The following GRM8 variants were observed in gnomAD, a reference collection of about 807,000 sequenced individuals.
GRM8 encodes metabotropic glutamate receptor 8.
Under a neutral mutation model 87.2 loss-of-function variants are expected in GRM8, and 47 were observed. The ratio of observed to expected loss-of-function variants is 0.54; its 90% CI spans 0.43 to 0.69. The LOEUF (loss-of-function observed/expected upper bound fraction) is 0.69, where lower values mean the gene tolerates loss of function less well. Among genes scored for constraint, GRM8 ranks in the 30% least tolerant of loss-of-function variants. The pLI is 0.00. For synonymous variants in GRM8, 396 were observed against 404.5 expected (o/e 0.98, Z 0.25); for missense variants, 1,019 against 1,139.2 (o/e 0.89, Z 1.52).
intron 9 of GRM8, among the ~76,000 whole-genome samples, chr7:126,448,524 T>C (rs922816001): frequency 6.6e-6 from 1 of 151,982 alleles, no homozygotes; most frequent in African/African-American, 2.4e-5. Context: ...GACTTTGGAA[T>C]GCTAGCTTCC....
intron 6 of GRM8, among the ~76,000 whole-genome samples, chr7:126,879,053 C>T (rs925257774): frequency 6.6e-6 from 1 of 151,334 alleles, no homozygotes; most frequent in African/African-American, 2.4e-5. Context: ...ATCTCAGCTA[C>T]TCGGGAGGCT....
At chr7:127,165,158 A>ATAT (rs1275601940) in intron 2 of GRM8, among the ~76,000 whole-genome samples, 1 of 54,834 alleles carries the variant, frequency 1.8e-5, no homozygotes, top group African/African-American at 1.2e-4. Context: ...ATATATATAT[A>ATAT]TATATATATA....
At chr7:126,563,369 A>G (rs1793913195) in intron 8 of GRM8, among the ~76,000 whole-genome samples, 1 of 152,082 alleles carries the variant, frequency 6.6e-6, no homozygotes, top group African/African-American at 2.4e-5. Flanking sequence ...AAGAAATTGT[A>G]GTGTAACAGA....
intron 9 of GRM8, among the ~76,000 whole-genome samples, chr7:126,471,525 G>T (rs915211049): frequency 2.8e-4 from 43 of 151,850 alleles, no homozygotes; most frequent in African/African-American, 1.0e-3. Context: ...ATTTCTGAGG[G>T]CTCTGTTCTC....
rs537672740 is a variant in GRM8, at chr7:126,870,912, A to G, written c.1156+31630T>C. ...AAAAACTGCAAAGTACAATAAAACA[A>G]GGCATGCCTGTAGCATATGAAAGAG... is the stretch of plus-strand genomic sequence containing the variant. On this transcript the variant is annotated intron_variant, in intron 6 of 10. Transcript: ENST00000339582. 1.2e-4 allele frequency among the ~76,000 whole-genome samples: 19 copies of G among 152,300 alleles called. No individual in the cohort carries two copies. In the East Asian group the frequency reaches 3.1e-3, roughly 25 times the overall value.
intron 9 of GRM8, among the ~76,000 whole-genome samples, chr7:126,468,912 C>T (rs1005272482): frequency 3.3e-5 from 5 of 152,076 alleles, no homozygotes; most frequent in African/African-American, 7.2e-5. Flanking sequence ...CTGCAATACC[C>T]CCTCTTCTCT....
intron 2 of GRM8, among the ~76,000 whole-genome samples, chr7:127,196,268 A>C (rs1474939064): frequency 6.6e-6 from 1 of 152,168 alleles, no homozygotes; most frequent in Non-Finnish European, 1.5e-5. Context: ...CTATAATCCC[A>C]GTACTTGGGG....
intron 9 of GRM8, among the ~76,000 whole-genome samples, chr7:126,522,592 G>T (rs912264253): frequency 1.3e-5 from 2 of 152,148 alleles, no homozygotes; most frequent in Non-Finnish European, 2.9e-5. Flanking sequence ...GGAATATGTG[G>T]CCTCCCAGTT....
At chr7:127,133,176 T>C (rs1380060991) in intron 2 of GRM8, among the ~76,000 whole-genome samples, 1 of 150,936 alleles carries the variant, frequency 6.6e-6, no homozygotes, top group Non-Finnish European at 1.5e-5. Context: ...TCCCAGCACT[T>C]TGGAAGGCCA....
At chr7:127,069,462 C>T (rs962616173) in intron 3 of GRM8, among the ~76,000 whole-genome samples, 12 of 151,010 alleles carry the variant, frequency 7.9e-5, no homozygotes, top group Non-Finnish European at 1.3e-4. Context: ...CTGTGCCTGG[C>T]CAATAACAAA....
At chr7:126,828,676 T>A (rs1017356664) in intron 6 of GRM8, among the ~76,000 whole-genome samples, 1 of 152,208 alleles carries the variant, frequency 6.6e-6, no homozygotes, top group African/African-American at 2.4e-5. Flanking sequence ...GATTCATTAA[T>A]TTTTTGAAGG....
chr7:127,090,441 C>T (rs1039623957), intron 3 of GRM8, among the ~76,000 whole-genome samples: 4 of 152,296 alleles, frequency 2.6e-5, no homozygotes, highest in Non-Finnish European at 5.9e-5. Context: ...ATACCTGGAA[C>T]ATTCCAAACC....
intron 6 of GRM8, among the ~76,000 whole-genome samples, chr7:126,856,930 T>C (rs944096656): frequency 2.6e-5 from 4 of 152,232 alleles, no homozygotes; most frequent in African/African-American, 9.6e-5. Context: ...GGAATTAGCA[T>C]ACCTTTCTTC....
chr7:126,918,265 C>A (rs1052585370), intron 3 of GRM8, among the ~76,000 whole-genome samples: 3 of 152,134 alleles, frequency 2.0e-5, no homozygotes. Flanking sequence ...GAAAACATTT[C>A]ATAAGTGAGA....
At chr7:127,225,573 G>C (rs1797271123) in intron 2 of GRM8, among the ~76,000 whole-genome samples, 1 of 151,676 alleles carries the variant, frequency 6.6e-6, no homozygotes, top group Non-Finnish European at 1.5e-5. Flanking sequence ...ACAATTTGGA[G>C]CAGTGCCCCA....
At chr7:126,788,720 C>T (rs1820952608) in intron 6 of GRM8, among the ~76,000 whole-genome samples, 1 of 150,812 alleles carries the variant, frequency 6.6e-6, no homozygotes, top group Non-Finnish European at 1.5e-5. Context: ...TTTAATTAGA[C>T]CTAGACTCTA....
intron 3 of GRM8, among the ~76,000 whole-genome samples, chr7:127,056,687 G>A (rs554429799): frequency 4.6e-5 from 7 of 152,268 alleles, no homozygotes; most frequent in South Asian, 4.1e-4. Flanking sequence ...GTTGGTTAAC[G>A]TTATAAAGAA....
chr7:127,024,911 C>A (rs1381020532), intron 3 of GRM8, among the ~76,000 whole-genome samples: 2 of 152,036 alleles, frequency 1.3e-5, no homozygotes, highest in African/African-American at 4.8e-5. Flanking sequence ...ACGATCTCAC[C>A]AATTCCATTT....
chr7:127,014,957 AGAAGAAGAAGAG>A (rs1481323382), intron 3 of GRM8, among the ~76,000 whole-genome samples: 1 of 145,384 alleles, frequency 6.9e-6, no homozygotes, highest in East Asian at 2.0e-4. Context: ...GAGAGAGAGA[AGAAGAAGAAGAG>A]GAAGAAGAAG....
Sources: allele counts gnomAD v4.1 joint callset (sites outside exome capture counted in the v4.1 genomes callset), GRCh38; gene constraint gnomAD v4.1.1; transcripts MANE v1.5; gene names NCBI Gene and HGNC (gene_info 2026-07-23, HGNC 2026-07-21).